Variants in CLGN observed in about 807,000 individuals in gnomAD.
CLGN encodes the protein testis tissue sperm-binding protein Li 79P.
Under a neutral mutation model 79.1 loss-of-function variants are expected in CLGN, and 62 were observed. The observed-to-expected ratio is 0.78, with a 90% CI of 0.64 to 0.97. The LOEUF (loss-of-function observed/expected upper bound fraction) is 0.97, where lower values mean the gene tolerates loss of function less well. Among genes scored for constraint, CLGN ranks in the 50% least tolerant of loss-of-function variants. The pLI, the probability that CLGN is intolerant of heterozygous loss-of-function variation, is 0.00. For missense variants in CLGN, 647 were observed against 715.5 expected (o/e 0.90, Z 1.09); for synonymous variants, 225 against 224.7 (o/e 1.00, Z -0.01).
intron 7 of CLGN, 47 bp from the exon 8 acceptor site, chr4:140,399,087 C>T (rs1464159376): frequency 1.4e-6 from 2 of 1,466,486 alleles, no homozygotes; most frequent in South Asian, 2.6e-5. Flanking sequence ...TTGATATACG[C>T]TTTAAAGATA....
chr4:140,399,639 G>A (rs1384201034), intron 7 of CLGN, among the ~76,000 whole-genome samples: 1 of 152,172 alleles, frequency 6.6e-6, no homozygotes, highest in African/African-American at 2.4e-5. Flanking sequence ...GGGTGGAGTT[G>A]AGACGTGAGA....
chr4:140,396,883 ATATATATG>A (rs1446549319), intron 8 of CLGN, among the ~76,000 whole-genome samples: 13 of 59,516 alleles, frequency 2.2e-4, no homozygotes, highest in South Asian at 8.3e-4. Context: ...ACATATATAT[ATATATATG>A]TATATATATA....
chr4:140,425,645 TTG>T (rs1729553590), intron 1 of CLGN, among the ~76,000 whole-genome samples: 1 of 140,302 alleles, frequency 7.1e-6, no homozygotes, highest in Admixed American at 7.2e-5. Flanking sequence ...TTTTTTTTTT[TTG>T]AGATGGAGTC....
At chr4:140,409,078 A>T (rs1729164908) in intron 4 of CLGN, among the ~76,000 whole-genome samples, 1 of 152,022 alleles carries the variant, frequency 6.6e-6, no homozygotes, top group Non-Finnish European at 1.5e-5. Flanking sequence ...GCTGACATCC[A>T]ACATGCTATC....
chr4:140,392,999 A>G (rs543182207), intron 11 of CLGN, among the ~76,000 whole-genome samples: 1 of 152,182 alleles, frequency 6.6e-6, no homozygotes, highest in East Asian at 1.9e-4. Flanking sequence ...AAATTTCAGA[A>G]TAGAACTACC....
chr4:140,425,249 C>T (rs1368106474), intron 1 of CLGN, among the ~76,000 whole-genome samples: 1 of 152,134 alleles, frequency 6.6e-6, no homozygotes, highest in East Asian at 1.9e-4. Flanking sequence ...TAAAAACTTC[C>T]TATAATTATG....
intron 14 of CLGN, among the ~76,000 whole-genome samples, chr4:140,389,702 A>G (rs3805316): frequency 3.0e-4 from 46 of 151,966 alleles, no homozygotes; most frequent in East Asian, 1.5e-3. Flanking sequence ...CTCCCTAAAT[A>G]TGGATATTCA....
chr4:140,411,088 T>G (rs1045096584), intron 2 of CLGN, among the ~76,000 whole-genome samples: 2 of 152,134 alleles, frequency 1.3e-5, no homozygotes, highest in Non-Finnish European at 2.9e-5. Context: ...TCTATGGAGA[T>G]AGCATTGCAA....
chr4:140,403,544 G>A (rs1342311427), intron 5 of CLGN, among the ~76,000 whole-genome samples: 1 of 152,130 alleles, frequency 6.6e-6, no homozygotes, highest in Non-Finnish European at 1.5e-5. Context: ...CGTGGTGCAT[G>A]ATATGACTTA....
At chr4:140,407,935 T>C (rs75591637) in intron 4 of CLGN, among the ~76,000 whole-genome samples, 2,754 of 152,132 alleles carry the variant, frequency 0.018, 89 homozygotes, top group African/African-American at 0.063. Flanking sequence ...CTTCAAATTA[T>C]ACAGGGCCAT....
At chr4:140,392,565 A>G in intron 12 of CLGN, 21 bp downstream of exon 12, 4 of 1,575,872 alleles carry the variant, frequency 2.5e-6, no homozygotes, top group African/African-American at 1.4e-5. Flanking sequence ...AAAAAAGTTG[A>G]AGGAAATCCA....
chr4:140,427,483 A>C (rs1729593097), intron 1 of CLGN, 54 bp downstream of exon 1: 1 of 152,360 alleles, frequency 6.6e-6, no homozygotes, highest in African/African-American at 2.4e-5. Context: ...CCTCACCCCA[A>C]TCTGCGCGCA....
At chr4:140,419,169 C>G (rs1046874250) in intron 1 of CLGN, among the ~76,000 whole-genome samples, 1 of 151,520 alleles carries the variant, frequency 6.6e-6, no homozygotes, top group Admixed American at 6.6e-5. Flanking sequence ...CACATGGACA[C>G]AGGAAGGGGA....
chr4:140,409,587 C>T (rs1398615448), intron 4 of CLGN, among the ~76,000 whole-genome samples: 1 of 152,012 alleles, frequency 6.6e-6, no homozygotes, highest in African/African-American at 2.4e-5. Flanking sequence ...ATGCAAAAGA[C>T]TAACAGCAGT....
chr4:140,413,479 G>A (rs1445049115), intron 1 of CLGN, among the ~76,000 whole-genome samples: 2 of 152,196 alleles, frequency 1.3e-5, no homozygotes, highest in Non-Finnish European at 2.9e-5. Flanking sequence ...CAGACAGTGG[G>A]CGCAGGTCAG....
intron 10 of CLGN, 35 bp from the exon 11 acceptor site, chr4:140,394,076 A>T (rs745633273): frequency 3.7e-5 from 54 of 1,457,612 alleles, no homozygotes; most frequent in Non-Finnish European, 4.8e-5. Flanking sequence ...TTTTCAAATA[A>T]AATAACTTCA....
In CLGN at chr4:140,413,003, C is replaced by T. The variant is rs773224523; in HGVS notation, c.76G>A (p.Val26Ile). The T allele has an allele frequency of 1.2e-5, 20 of 1,613,352 alleles. No individual in the cohort carries two copies. In the South Asian group the frequency reaches 1.8e-4, roughly 14 times the overall value. Residue 26 changes from valine to isoleucine, a missense_variant, in exon 2 of 15, where the codon GTT becomes ATT. By Grantham distance (29) the Val-to-Ile change is conservative. Coordinates refer to ENST00000325617, the MANE Select transcript of CLGN (RefSeq NM_004362.3). The part of the protein sequence containing the change: ...SINAEFMDDD[V>I]ETEDFEENSE... ...TTTTCTTCAAAGTCTTCCGTCTCAA[C>T]ATCATCATCCATAAATTCTGCATTA...
chr4:140,408,513 T>C (rs923926036), intron 4 of CLGN, among the ~76,000 whole-genome samples: 1 of 151,662 alleles, frequency 6.6e-6, no homozygotes. Context: ...AGTAGGCAAA[T>C]GACATAAATA....
At chr4:140,390,833 T>C in intron 13 of CLGN, 105 bp from the exon 14 acceptor site, 2 of 624,698 alleles carry the variant, frequency 3.2e-6, no homozygotes, top group Non-Finnish European at 4.9e-6. Context: ...CCAAGATTTA[T>C]TCCAAGATTT....
Sources: allele counts gnomAD v4.1 joint callset (sites outside exome capture counted in the v4.1 genomes callset), GRCh38; gene constraint gnomAD v4.1.1; transcripts MANE v1.5; gene names NCBI Gene and HGNC (gene_info 2026-07-23, HGNC 2026-07-21).